MACROD2: variants seen among roughly 807,000 people sequenced by gnomAD.
MACROD2 encodes the protein mono-ADP ribosylhydrolase 2, also known as ADP-ribose glycohydrolase MACROD2.
In MACROD2, 36 loss-of-function variants were observed where a neutral mutation model predicts 70.4. The observed-to-expected ratio is 0.51, with a 90% CI of 0.39 to 0.68. The LOEUF (loss-of-function observed/expected upper bound fraction) is 0.68, where lower values mean the gene tolerates loss of function less well. Among genes scored for constraint, MACROD2 ranks in the 30% least tolerant of loss-of-function variants. MACROD2 has a pLI of 0.00. For synonymous variants in MACROD2, 172 were observed against 178.8 expected, an observed-to-expected ratio of 0.96 and a Z score of 0.30; for missense variants, 496 against 538.4, an observed-to-expected ratio of 0.92 and a Z score of 0.78.
At chr20:14,908,796 A>G (rs1471170152) in intron 5 of MACROD2, among the ~76,000 whole-genome samples, 1 of 152,224 alleles carries the variant, frequency 6.6e-6, no homozygotes, top group Non-Finnish European at 1.5e-5. Flanking sequence ...AAGGTCTACG[A>G]TAAGGTGGCA....
intron 6 of MACROD2, among the ~76,000 whole-genome samples, chr20:15,381,458 T>C (rs1263979758): frequency 6.6e-6 from 1 of 151,678 alleles, no homozygotes; most frequent in Non-Finnish European, 1.5e-5. Context: ...CCCAGCACTT[T>C]GGGAGGCCGA....
At chr20:14,203,547 G>T (rs2081497851) in intron 3 of MACROD2, among the ~76,000 whole-genome samples, 2 of 152,172 alleles carry the variant, frequency 1.3e-5, no homozygotes, top group South Asian at 4.2e-4. Flanking sequence ...CACTGAGAAA[G>T]ATTTTTTTCT....
intron 8 of MACROD2, among the ~76,000 whole-genome samples, chr20:15,665,221 TG>T (rs2049880506): frequency 6.6e-6 from 1 of 152,332 alleles, no homozygotes; most frequent in Admixed American, 6.5e-5. Flanking sequence ...CTTCATCAAA[TG>T]TCTGTATGCC....
At chr20:14,810,890 A>G (rs939078539) in intron 5 of MACROD2, among the ~76,000 whole-genome samples, 2 of 152,098 alleles carry the variant, frequency 1.3e-5, no homozygotes, top group African/African-American at 2.4e-5. Context: ...AGGGATGTGA[A>G]GGACCTCTTC....
chr20:14,442,059 C>A (rs981773973), intron 3 of MACROD2, among the ~76,000 whole-genome samples: 2 of 152,018 alleles, frequency 1.3e-5, no homozygotes, highest in Non-Finnish European at 2.9e-5. Flanking sequence ...CACCTGAGGT[C>A]AGGAGTTTGA....
chr20:15,683,774 T>C (rs2146863371), intron 8 of MACROD2, among the ~76,000 whole-genome samples: 1 of 152,224 alleles, frequency 6.6e-6, no homozygotes, highest in South Asian at 2.1e-4. Context: ...AAATGGGGGT[T>C]TCACCATGTC....
At chr20:14,506,418 A>C (rs958470782) in intron 4 of MACROD2, among the ~76,000 whole-genome samples, 2 of 152,198 alleles carry the variant, frequency 1.3e-5, no homozygotes, top group Admixed American at 6.5e-5. Flanking sequence ...ATGGAAGTCT[A>C]TCTGGCTCTA....
intron 4 of MACROD2, among the ~76,000 whole-genome samples, chr20:14,592,318 A>G (rs923161167): frequency 3.9e-5 from 6 of 152,258 alleles, no homozygotes; most frequent in Non-Finnish European, 8.8e-5. Context: ...AGTAGTTAAC[A>G]ACATAGTTGT....
At chr20:14,473,750 C>T (rs986005756) in intron 3 of MACROD2, among the ~76,000 whole-genome samples, 1 of 152,180 alleles carries the variant, frequency 6.6e-6, no homozygotes, top group African/African-American at 2.4e-5. Flanking sequence ...AGCTTAACTA[C>T]TTTTCATATC....
intron 4 of MACROD2, among the ~76,000 whole-genome samples, chr20:14,604,328 A>G (rs146487614): frequency 8.9e-4 from 136 of 152,310 alleles, no homozygotes; most frequent in African/African-American, 2.9e-3. Flanking sequence ...CAGTGTTGCT[A>G]TGGTATATTT....
At chr20:14,995,691 C>A (rs2074943407) in intron 5 of MACROD2, among the ~76,000 whole-genome samples, 1 of 151,800 alleles carries the variant, frequency 6.6e-6, no homozygotes. Context: ...ATTAAAAATA[C>A]CAAAATGGTA....
At chr20:14,909,462 A>G (rs2073999593) in intron 5 of MACROD2, among the ~76,000 whole-genome samples, 1 of 152,050 alleles carries the variant, frequency 6.6e-6, no homozygotes, top group African/African-American at 2.4e-5. Flanking sequence ...TAAAAACCTG[A>G]TGCTGACACT....
At chr20:15,172,558 T>C (rs1343134697) in intron 5 of MACROD2, among the ~76,000 whole-genome samples, 1 of 152,198 alleles carries the variant, frequency 6.6e-6, no homozygotes, top group Non-Finnish European at 1.5e-5. Context: ...GGCTACTGTT[T>C]TGTTTTTTTT....
chr20:14,693,399 C>T (rs938146578), intron 5 of MACROD2, among the ~76,000 whole-genome samples: 15 of 152,098 alleles, frequency 9.9e-5, no homozygotes, highest in African/African-American at 2.9e-4. Flanking sequence ...CTCAGAGCTA[C>T]GGTAGCTGAT....
intron 8 of MACROD2, among the ~76,000 whole-genome samples, chr20:15,631,274 C>T (rs931424733): frequency 1.3e-5 from 2 of 152,186 alleles, no homozygotes; most frequent in Non-Finnish European, 2.9e-5. Context: ...ACATGCCCAT[C>T]TGCGTGTTCC....
chr20:15,371,126 A>T (rs746473538), intron 6 of MACROD2, among the ~76,000 whole-genome samples: 109 of 152,260 alleles, frequency 7.2e-4, no homozygotes, highest in Non-Finnish European at 1.2e-3. Context: ...TAAGTCACTG[A>T]AAATAGAACA....
At chr20:14,337,546 C>T (rs577898119) in intron 3 of MACROD2, 42 of 398,512 alleles carry the variant, frequency 1.1e-4, no homozygotes, top group Non-Finnish European at 1.7e-4. Flanking sequence ...GCAGGCTGAG[C>T]TTGTCCTGCT....
At chr20:14,460,613 G>C (rs1045763317) in intron 3 of MACROD2, among the ~76,000 whole-genome samples, 12 of 151,994 alleles carry the variant, frequency 7.9e-5, no homozygotes, top group African/African-American at 2.9e-4. Context: ...CCAATTTATT[G>C]TGAGTTTTTA....
chr20:14,855,641 T>A (rs1169791578), intron 5 of MACROD2, among the ~76,000 whole-genome samples: 1 of 132,384 alleles, frequency 7.6e-6, no homozygotes, highest in Non-Finnish European at 1.6e-5. Context: ...AAGGCACAGC[T>A]CAATTCTTAT....
Sources: gnomAD v4.1 joint callset for allele counts (sites outside exome capture counted in the v4.1 genomes callset) on GRCh38, gnomAD v4.1.1 for gene constraint, MANE v1.5 for transcripts, NCBI Gene and HGNC (gene_info 2026-07-23, HGNC 2026-07-21) for gene names.